Variants in PDE1C observed in about 807,000 individuals in gnomAD.
PDE1C encodes phosphodiesterase 1C.
PDE1C carries 62 observed loss-of-function variants against 93.1 expected under a neutral mutation model. The observed-to-expected ratio is 0.67, with a 90% confidence interval of 0.54 to 0.82. The LOEUF is 0.82. Among genes scored for constraint, PDE1C ranks in the 40% least tolerant of loss-of-function variants. The probability of loss-of-function intolerance (pLI) is 0.00; values close to 1 mark genes in which losing one functional copy is unlikely to be tolerated. For synonymous variants in PDE1C, 325 were observed against 310.1 expected (o/e 1.05, Z -0.50); for missense variants, 742 against 884.6 (o/e 0.84, Z 2.04).
the PDE1C span, chr7:31,707,224 G>C: frequency 5.0e-6 from 8 of 1,613,984 alleles, no homozygotes; most frequent in South Asian, 8.8e-5. Context: ...GCTCAGGGAC[G>C]AGAGACCCAA....
chr7:32,151,569 A>C (rs6957438), intron 3 of PDE1C, among the ~76,000 whole-genome samples: 26,641 of 152,240 alleles, frequency 0.17, 2,374 homozygotes, highest in Middle Eastern at 0.21. Flanking sequence ...AACAAAAAGA[A>C]ATGATCATAC....
intron 16 of PDE1C, among the ~76,000 whole-genome samples, chr7:31,797,834 C>G (rs1035626724): frequency 1.3e-5 from 2 of 151,526 alleles, no homozygotes; most frequent in Non-Finnish European, 3.0e-5. Flanking sequence ...TGAAAGTGAA[C>G]AAGAATAATA....
chr7:31,980,107 G>A (rs1051632208), intron 2 of PDE1C, among the ~76,000 whole-genome samples: 2 of 152,194 alleles, frequency 1.3e-5, no homozygotes, highest in Non-Finnish European at 2.9e-5. Context: ...CTCTGCAGAT[G>A]ACTGGTCTTC....
At chr7:31,853,266 C>T (rs1215202499) in intron 7 of PDE1C, among the ~76,000 whole-genome samples, 2 of 151,966 alleles carry the variant, frequency 1.3e-5, no homozygotes, top group African/African-American at 2.4e-5. Context: ...CTCATTTTAC[C>T]ACCTTAGTTT....
chr7:32,039,417 T>C (rs1279894838), intron 2 of PDE1C, among the ~76,000 whole-genome samples: 2 of 152,234 alleles, frequency 1.3e-5, no homozygotes, highest in East Asian at 3.8e-4. Context: ...GCAGTGCTAA[T>C]TCTGAGAATT....
intron 2 of PDE1C, among the ~76,000 whole-genome samples, chr7:31,934,872 AT>A (rs1182819665): frequency 3.3e-5 from 5 of 152,282 alleles, no homozygotes; most frequent in Non-Finnish European, 7.4e-5. Context: ...CTACAAAAAA[AT>A]AAATTCCTCC....
intron 2 of PDE1C, among the ~76,000 whole-genome samples, chr7:32,001,293 T>TA (rs1491563743): frequency 3.3e-5 from 5 of 152,122 alleles, no homozygotes; most frequent in Non-Finnish European, 5.9e-5. Flanking sequence ...TTAAAAGCTG[T>TA]TTTTTAAGTG....
intron 17 of PDE1C, among the ~76,000 whole-genome samples, chr7:31,755,635 G>T (rs1321797684): frequency 1.3e-5 from 2 of 151,312 alleles, no homozygotes; most frequent in African/African-American, 4.8e-5. Context: ...AGCCCTGAAT[G>T]AAAGATCTAC....
At chr7:32,241,151 G>A (rs1415549499) in intron 1 of PDE1C, among the ~76,000 whole-genome samples, 1 of 152,184 alleles carries the variant, frequency 6.6e-6, no homozygotes, top group Non-Finnish European at 1.5e-5. Context: ...GCATCAAATA[G>A]TCAATTAGAT....
chr7:32,011,992 A>G (rs1787190402), intron 2 of PDE1C, among the ~76,000 whole-genome samples: 1 of 152,268 alleles, frequency 6.6e-6, no homozygotes, highest in South Asian at 2.1e-4. Flanking sequence ...CTAGTATTCC[A>G]CAATATAAGG....
intron 2 of PDE1C, among the ~76,000 whole-genome samples, chr7:31,925,039 CTGTGTGTGTGTGTGTGTGTG>C (rs70989622): frequency 0.013 from 1,720 of 135,384 alleles, 9 homozygotes; most frequent in Middle Eastern, 0.025. Context: ...GTAGACATTT[CTGTGTGTGTGTGTGTGTGTG>C]TGTGTGTGTG....
intron 3 of PDE1C, among the ~76,000 whole-genome samples, chr7:32,117,088 A>G (rs1319646255): frequency 6.6e-6 from 1 of 152,198 alleles, no homozygotes; most frequent in Non-Finnish European, 1.5e-5. Context: ...CAAAACTTTC[A>G]TTTGGTAGGC....
At chr7:31,874,216 G>A (rs1796276959) in intron 5 of PDE1C, among the ~76,000 whole-genome samples, 1 of 152,304 alleles carries the variant, frequency 6.6e-6, no homozygotes, top group Admixed American at 6.5e-5. Context: ...GAAGTTCAAA[G>A]TCTTTGCCTG....
chr7:32,058,514 C>T (rs1794396122), intron 1 of PDE1C, among the ~76,000 whole-genome samples: 1 of 152,166 alleles, frequency 6.6e-6, no homozygotes, highest in Non-Finnish European at 1.5e-5. Context: ...TTTTCACTGG[C>T]ATGCAGGGTA....
chr7:32,204,679 G>GT (rs1332243641), intron 2 of PDE1C, among the ~76,000 whole-genome samples: 1 of 152,208 alleles, frequency 6.6e-6, no homozygotes, highest in Non-Finnish European at 1.5e-5. Flanking sequence ...GGTATTTGGA[G>GT]TTTTTTCCAA....
At chr7:32,272,433 C>T (rs1158194816) in intron 1 of PDE1C, among the ~76,000 whole-genome samples, 1 of 152,194 alleles carries the variant, frequency 6.6e-6, no homozygotes, top group Non-Finnish European at 1.5e-5. Context: ...ATGAAGATGT[C>T]GTTCTCCCAC....
intron 3 of PDE1C, among the ~76,000 whole-genome samples, chr7:32,144,378 C>T (rs1800706135): frequency 2.0e-5 from 3 of 152,144 alleles, no homozygotes; most frequent in Admixed American, 2.0e-4. Context: ...AAAGGCAGCA[C>T]CACTTTCCCA....
At chr7:32,243,582 A>G (rs958105556) in intron 1 of PDE1C, among the ~76,000 whole-genome samples, 2 of 152,212 alleles carry the variant, frequency 1.3e-5, no homozygotes, top group Non-Finnish European at 2.9e-5. Flanking sequence ...AAAAGTCAAG[A>G]TATCAGGAAC....
the PDE1C span, among the ~76,000 whole-genome samples, chr7:31,648,237 A>G: frequency 8.4e-4 from 128 of 152,192 alleles, no homozygotes; most frequent in Non-Finnish European, 1.4e-3. Flanking sequence ...TGCTCTTACC[A>G]TTGAAGTTAA....
Sources: allele counts gnomAD v4.1 joint callset (sites outside exome capture counted in the v4.1 genomes callset), GRCh38; gene constraint gnomAD v4.1.1; transcripts MANE v1.5; gene names NCBI Gene and HGNC (gene_info 2026-07-23, HGNC 2026-07-21).